Variants in SPON1 observed in about 807,000 individuals in gnomAD.
SPON1 encodes spondin-1.
A neutral mutation model predicts 111.7 loss-of-function variants in SPON1; 52 were observed. The observed-to-expected ratio is 0.47, with a 90% CI of 0.37 to 0.59. The LOEUF (loss-of-function observed/expected upper bound fraction) is 0.59, where lower values mean the gene tolerates loss of function less well. Among genes scored for constraint, SPON1 ranks in the 20% least tolerant of loss-of-function variants. SPON1 has a pLI of 0.00. For missense variants in SPON1, 957 were observed against 1,068.5 expected (o/e 0.90, Z 1.46); for synonymous variants, 410 against 395.8 (o/e 1.04, Z -0.43).
At chr11:14,079,376 CTT>C (rs1250786988) in intron 4 of SPON1, among the ~76,000 whole-genome samples, 1 of 152,100 alleles carries the variant, frequency 6.6e-6, no homozygotes, top group Non-Finnish European at 1.5e-5. Context: ...ATGCATGCCT[CTT>C]TTTTTTCTCC....
intron 3 of SPON1, among the ~76,000 whole-genome samples, chr11:14,045,621 AAT>A (rs1290738204): frequency 1.6e-4 from 19 of 120,030 alleles, no homozygotes; most frequent in African/African-American, 3.9e-4. Flanking sequence ...ATTTTGTTTT[AAT>A]ATATATATTA....
intron 3 of SPON1, among the ~76,000 whole-genome samples, chr11:14,045,334 C>G (rs569286900): frequency 6.6e-6 from 1 of 152,232 alleles, no homozygotes; most frequent in Non-Finnish European, 1.5e-5. Flanking sequence ...CTTTGGGAGG[C>G]CGAGCCGAGA....
intron 1 of SPON1, among the ~76,000 whole-genome samples, chr11:13,964,190 A>G (rs1232682208): frequency 6.6e-6 from 1 of 152,254 alleles, no homozygotes; most frequent in African/African-American, 2.4e-5. Context: ...CGGGTGGGGG[A>G]CAGGTAACCA....
intron 15 of SPON1, among the ~76,000 whole-genome samples, chr11:14,264,972 A>C (rs1294406765): frequency 2.0e-5 from 3 of 152,186 alleles, no homozygotes; most frequent in African/African-American, 4.8e-5. Context: ...AGCCATCCCA[A>C]AACAGTCTTT....
intron 6 of SPON1, among the ~76,000 whole-genome samples, chr11:14,168,660 C>A (rs1469485510): frequency 6.6e-6 from 1 of 150,854 alleles, no homozygotes; most frequent in Non-Finnish European, 1.5e-5. Flanking sequence ...CCCGCCCCCA[C>A]CCCACAACAG....
At chr11:14,195,788 C>T (rs1554934994) in intron 6 of SPON1, among the ~76,000 whole-genome samples, 1 of 152,052 alleles carries the variant, frequency 6.6e-6, no homozygotes, top group East Asian at 1.9e-4. Context: ...GAGTCACAGC[C>T]TCTATTGTCA....
rs572674312 is a variant in SPON1, at chr11:14,106,632, CT to C, written c.676+26612del. 2.8e-3 allele frequency among the ~76,000 whole-genome samples: 420 copies of C among 152,184 alleles called. 1 individual carries two copies. The highest frequency in any genetic ancestry group is 9.2e-3 in the African/African-American group (381 of 41,518). ...CCAAAGAAATACTTGCAGCTTTTTC[CT>C]AGACTCAGTTGAATTCAGAGTGAAA... On this transcript the variant is annotated intron_variant, in intron 5 of 15. Coordinates refer to ENST00000576479, the MANE Select transcript of SPON1 (RefSeq NM_006108.4).
In SPON1 at chr11:14,263,053, TAAAAAAAAAAAA is replaced by T; in HGVS notation, c.2260+88_2260+99del. ...CACTGGGCTAAGTCTTGGACCTGTT[TAAAAAAAAAAAA>T]AAAAAAAAAGTCGGGGAGAGTCTGC... On this transcript the variant is annotated intron_variant, in intron 15 of 15. Coordinates refer to ENST00000576479, the MANE Select transcript of SPON1 (RefSeq NM_006108.4). 4.2e-6 allele frequency: 4 copies of T among 952,312 alleles called. No individual in the cohort carries two copies. The South Asian group carries it at 8.3e-5, about 20-fold the overall frequency. 59.0% of individuals were successfully genotyped at this position (952,312 alleles called of 1,614,324 possible). A position where few individuals can be genotyped will look rare whatever the true frequency, so the allele number is the denominator to read the frequency against.
intron 2 of SPON1, among the ~76,000 whole-genome samples, chr11:14,010,419 G>A (rs1307912409): frequency 6.6e-6 from 1 of 152,068 alleles, no homozygotes; most frequent in Non-Finnish European, 1.5e-5. Flanking sequence ...TAAGTGTAGA[G>A]ATGTAAAGGA....
chr11:14,262,693 CCCATCTGTGTCTTG>C lies in SPON1; in HGVS notation c.1997-15_1997-2del. 1 of 1,613,694 alleles carries C rather than the reference CCCATCTGTGTCTTG, an allele frequency of 6.2e-7. No individual in the cohort carries two copies. ...GTTTCAGACATGTGATACACTCATG[CCCATCTGTGTCTTG>C]CCAGCCATTGACTGTGAGCTCACCG... On this transcript the variant is annotated splice_region_variant and splice_polypyrimidine_tract_variant and intron_variant, in intron 14 of 15. Transcript: ENST00000576479.
At chr11:14,087,689 G>A (rs944462315) in intron 5 of SPON1, among the ~76,000 whole-genome samples, 8 of 152,136 alleles carry the variant, frequency 5.3e-5, no homozygotes, top group Non-Finnish European at 7.4e-5. Flanking sequence ...TTAAAGTCCC[G>A]AATATCCTTG....
intron 5 of SPON1, among the ~76,000 whole-genome samples, chr11:14,089,400 G>A (rs1026418375): frequency 6.6e-6 from 1 of 152,164 alleles, no homozygotes; most frequent in Non-Finnish European, 1.5e-5. Flanking sequence ...CTCTTCTGCA[G>A]GTATGCTGCA....
intron 6 of SPON1, among the ~76,000 whole-genome samples, chr11:14,207,800 C>T (rs1029499860): frequency 1.3e-5 from 2 of 152,164 alleles, no homozygotes; most frequent in Admixed American, 1.3e-4. Context: ...TGTGGCAATT[C>T]CTCAAAGACC....
intron 6 of SPON1, among the ~76,000 whole-genome samples, chr11:14,187,450 G>A (rs1251212930): frequency 1.8e-4 from 27 of 151,996 alleles, no homozygotes; most frequent in African/African-American, 3.4e-4. Context: ...TTTTTTCATC[G>A]TTAGTACCCT....
chr11:14,116,699 T>C (rs1233033726), intron 5 of SPON1, among the ~76,000 whole-genome samples: 1 of 152,208 alleles, frequency 6.6e-6, no homozygotes. Flanking sequence ...TTGGCTATTC[T>C]TGGTCATTTG....
intron 2 of SPON1, among the ~76,000 whole-genome samples, chr11:13,992,303 G>C (rs1554911290): frequency 1.3e-5 from 2 of 152,230 alleles, no homozygotes; most frequent in African/African-American, 4.8e-5. Context: ...GCCTTGCTCA[G>C]CTGCAGTGGG....
chr11:13,977,684 C>T (rs528174334), intron 1 of SPON1, among the ~76,000 whole-genome samples: 1 of 151,132 alleles, frequency 6.6e-6, no homozygotes, highest in Non-Finnish European at 1.5e-5. Context: ...TTTGATATCA[C>T]CCCATTTATA....
Position 14,023,805 on chromosome 11 carries a change from C to G in SPON1, c.346-17716C>G, listed in dbSNP as rs782082479. On this transcript the variant is annotated intron_variant, in intron 2 of 15. Coordinates refer to ENST00000576479, the MANE Select transcript of SPON1 (RefSeq NM_006108.4). ...GATCATGAGGTCAAGAGTGCAAGAC[C>G]GGCCTGACCAACATGGTGAAACCCC... is the stretch of plus-strand genomic sequence containing the variant. Among the ~76,000 whole-genome samples, 3 of 152,048 alleles carry G rather than the reference C, an allele frequency of 2.0e-5. No individual in the cohort carries two copies. In the East Asian group the frequency reaches 5.8e-4, roughly 29 times the overall value.
In SPON1 at chr11:14,265,914, G is replaced by C; in HGVS notation, c.*227G>C. 1 of 478,242 alleles carries C rather than the reference G, an allele frequency of 2.1e-6. No homozygotes were observed. Among genetic ancestry groups the C allele is most frequent in the African/African-American group, 2.0e-5 (1 of 51,208 alleles). 29.6% of individuals were successfully genotyped at this position (478,242 alleles called of 1,614,324 possible). On this transcript the variant is annotated 3_prime_UTR_variant, in exon 16 of 16. Coordinates refer to ENST00000576479, the MANE Select transcript of SPON1 (RefSeq NM_006108.4). The stretch of plus-strand genomic sequence containing the variant: ...CCAGCCAGCCTCTTCCTGCAGAGGA[G>C]TAGTGTCAGCCACCTTGTACTAAGC...
Sources: gnomAD v4.1 joint callset for allele counts (sites outside exome capture counted in the v4.1 genomes callset) on GRCh38, gnomAD v4.1.1 for gene constraint, MANE v1.5 for transcripts, NCBI Gene and HGNC (gene_info 2026-07-23, HGNC 2026-07-21) for gene names.